PCP4: variants seen among roughly 807,000 people sequenced by gnomAD.
PCP4 encodes Purkinje cell protein 4.
PCP4 carries 8 observed loss-of-function variants against 10.0 expected under a neutral mutation model. The ratio of observed to expected loss-of-function variants is 0.80; its 90% confidence interval spans 0.47 to 1.45. The LOEUF is 1.45. Among genes scored for constraint, PCP4 ranks in the 40% most tolerant of loss-of-function variants. The pLI is 0.00. For missense variants in PCP4, 54 were observed against 74.4 expected (o/e 0.73, Z 1.01); for synonymous variants, 21 against 23.0 (o/e 0.91, Z 0.24).
At chr21:39,899,681 A>G (rs1399926417) in intron 2 of PCP4, among the ~76,000 whole-genome samples, 1 of 152,156 alleles carries the variant, frequency 6.6e-6, no homozygotes, top group Non-Finnish European at 1.5e-5. Context: ...CTGGGAGAAG[A>G]AGGAAACAAG....
chr21:39,903,816 C>T (rs897028227), intron 2 of PCP4, among the ~76,000 whole-genome samples: 18 of 139,178 alleles, frequency 1.3e-4, no homozygotes, highest in African/African-American at 3.2e-4. Flanking sequence ...TGCAGTGAGC[C>T]GAGATTGTGC....
At chr21:39,884,626 G>A (rs547319959) in intron 1 of PCP4, among the ~76,000 whole-genome samples, 252 of 151,998 alleles carry the variant, frequency 1.7e-3, no homozygotes, top group Admixed American at 4.2e-3. Flanking sequence ...GCAAAACCTT[G>A]TCTCTACTAA....
At chr21:39,876,691 T>C (rs1218738590) in intron 1 of PCP4, among the ~76,000 whole-genome samples, 2 of 152,202 alleles carry the variant, frequency 1.3e-5, no homozygotes, top group Non-Finnish European at 2.9e-5. Flanking sequence ...GAAACCTAAT[T>C]TTTAAATTGA....
At chr21:39,922,444 G>A (rs2087601042) in intron 2 of PCP4, among the ~76,000 whole-genome samples, 2 of 152,192 alleles carry the variant, frequency 1.3e-5, no homozygotes, top group Admixed American at 1.3e-4. Flanking sequence ...TTTCAGGAAA[G>A]TAGCATAAGA....
intron 2 of PCP4, among the ~76,000 whole-genome samples, chr21:39,920,184 GTGTT>G (rs1477775814): frequency 3.0e-4 from 44 of 148,090 alleles, no homozygotes; most frequent in Non-Finnish European, 3.4e-4. Context: ...TGTGTGGTGT[GTGTT>G]TGTGTGTGAT....
rs1431304125 is a variant in PCP4 at position 39,904,224 on chromosome 21, A to G, written c.61+5697A>G. 6.6e-5 allele frequency among the ~76,000 whole-genome samples: 10 copies of G among 152,332 alleles called. No individual in the cohort carries two copies. In the East Asian group the frequency reaches 1.5e-3, roughly 24 times the overall value. On this transcript the variant is annotated intron_variant, in intron 2 of 2. Coordinates refer to ENST00000328619, the MANE Select transcript of PCP4 (RefSeq NM_006198.3). ...AAAAATTTATTTCCAAAGAAATTTC[A>G]CTACCCCCTACCCCTGGCCCTTTGT... is the stretch of plus-strand genomic sequence containing the variant.
intron 1 of PCP4, among the ~76,000 whole-genome samples, chr21:39,868,500 G>A (rs533249442): frequency 6.6e-6 from 1 of 152,250 alleles, no homozygotes; most frequent in Admixed American, 6.5e-5. Flanking sequence ...TTAGAAATGG[G>A]GTTTAGGACA....
At chr21:39,884,013 A>T (rs1183189725) in intron 1 of PCP4, among the ~76,000 whole-genome samples, 1 of 152,154 alleles carries the variant, frequency 6.6e-6, no homozygotes, top group Non-Finnish European at 1.5e-5. Context: ...AAGTTAAGTG[A>T]CCTGAACTGG....
At chr21:39,900,509 T>C (rs8128581) in intron 2 of PCP4, among the ~76,000 whole-genome samples, 4,158 of 152,252 alleles carry the variant, frequency 0.027, 181 homozygotes, top group African/African-American at 0.095. Context: ...ATAGGATTTA[T>C]TGAGGGGAGT....
At chr21:39,907,098 T>G (rs1289734422) in intron 2 of PCP4, among the ~76,000 whole-genome samples, 1 of 152,160 alleles carries the variant, frequency 6.6e-6, no homozygotes, top group Non-Finnish European at 1.5e-5. Context: ...TAGGTACATC[T>G]GGGATTACAA....
intron 1 of PCP4, among the ~76,000 whole-genome samples, chr21:39,884,800 A>AAGAGAGAGAGAGAG (rs3988433): frequency 2.4e-4 from 36 of 149,116 alleles, no homozygotes; most frequent in African/African-American, 8.3e-4. Context: ...CCGTCTTAAA[A>AAGAGAGAGAGAGAG]AGAGAGAGAG....
intron 1 of PCP4, 21 bp from the exon 2 acceptor site, chr21:39,898,455 T>C (rs756307513): frequency 2.6e-5 from 42 of 1,607,848 alleles, no homozygotes; most frequent in Non-Finnish European, 3.6e-5. Context: ...ATTGCTTTTT[T>C]CTTTTATTTT....
intron 1 of PCP4, among the ~76,000 whole-genome samples, chr21:39,872,168 T>G (rs549428060): frequency 2.0e-5 from 3 of 152,216 alleles, no homozygotes; most frequent in African/African-American, 7.2e-5. Flanking sequence ...CCAGCTAATT[T>G]TTGTAGTTTT....
intron 2 of PCP4, among the ~76,000 whole-genome samples, chr21:39,915,388 T>A (rs1409526373): frequency 2.0e-5 from 3 of 152,212 alleles, no homozygotes; most frequent in Non-Finnish European, 2.9e-5. Context: ...ACATGTGAAT[T>A]TCCATTATCA....
rs185127920 is a variant in PCP4 at position 39,876,523 on chromosome 21, C to A, written c.9+9013C>A. ...GTAGATTGTATAATCTGTAAATCCT[C>A]TTAATGGAACATAAGGAACTGCAAG... On this transcript the variant is annotated intron_variant, in intron 1 of 2. Transcript: ENST00000328619. Among the ~76,000 whole-genome samples, 12 of 152,276 alleles carry A rather than the reference C, an allele frequency of 7.9e-5. No individual in the cohort carries two copies. The East Asian group carries it at 2.3e-3, about 29-fold the overall frequency.
intron 1 of PCP4, among the ~76,000 whole-genome samples, chr21:39,887,984 A>C (rs1568852685): frequency 6.6e-6 from 1 of 152,224 alleles, no homozygotes; most frequent in Non-Finnish European, 1.5e-5. Flanking sequence ...TATATACCAA[A>C]GATATGCGGA....
At chr21:39,928,791 G>A (rs532893128) in intron 2 of PCP4, among the ~76,000 whole-genome samples, 193 bp from the exon 3 acceptor site, 17 of 152,168 alleles carry the variant, frequency 1.1e-4, no homozygotes, top group Admixed American at 2.6e-4. Context: ...TCCTGCTCAG[G>A]TGGTAGATTC....
intron 1 of PCP4, chr21:39,883,445 C>A (rs889272975): frequency 6.6e-6 from 1 of 152,132 alleles, no homozygotes; most frequent in African/African-American, 2.4e-5. Flanking sequence ...TGTATTTTCC[C>A]TTTCTAGAAA....
In PCP4 at chr21:39,928,188, C is replaced by T. The variant is rs901074970; in HGVS notation, c.62-796C>T. ...CTCTACGGCCATACCACCCTGAACACGCCGGGTCTCATCAGACTAGAGGCT... is the reference window on the plus strand; with the variant it reads ...CTCTACGGCCATACCACCCTGAACATGCCGGGTCTCATCAGACTAGAGGCT... On this transcript the variant is annotated intron_variant, in intron 2 of 2. Coordinates refer to ENST00000328619, the MANE Select transcript of PCP4 (RefSeq NM_006198.3). 3.9e-5 allele frequency among the ~76,000 whole-genome samples: 6 copies of T among 152,144 alleles called. 1 individual carries two copies. The highest frequency in any genetic ancestry group is 8.8e-5 in the Non-Finnish European group (6 of 68,034).
Sources: gnomAD v4.1 joint callset for allele counts (sites outside exome capture counted in the v4.1 genomes callset) on GRCh38, gnomAD v4.1.1 for gene constraint, MANE v1.5 for transcripts, NCBI Gene and HGNC (gene_info 2026-07-23, HGNC 2026-07-21) for gene names.